Variants in TFEC observed in about 807,000 individuals in gnomAD.
TFEC encodes class E basic helix-loop-helix protein 34.
Under a neutral mutation model 41.6 loss-of-function variants are expected in TFEC, and 31 were observed. The ratio of observed to expected loss-of-function variants is 0.74; its 90% CI spans 0.56 to 1.01. TFEC has a LOEUF of 1.01. Among genes scored for constraint, TFEC ranks in the 50% least tolerant of loss-of-function variants. The pLI is 0.00. For missense variants in TFEC, 402 were observed against 404.1 expected (o/e 0.99, Z 0.04); for synonymous variants, 143 against 140.6 (o/e 1.02, Z -0.12).
rs754815096 is a variant in TFEC at position 116,110,914 on chromosome 7, T to C, written c.-9A>G. On this transcript the variant is annotated 5_prime_UTR_variant, in exon 3 of 9. Coordinates refer to the TFEC transcript ENST00000484212. Reference sequence around the variant, plus strand: ...GTTAAAGCTTGTAACATATTTCTCTTCTTTTCTTCTCACTATTAGTGGATT... The same window carrying C: ...GTTAAAGCTTGTAACATATTTCTCTCCTTTTCTTCTCACTATTAGTGGATT... The C allele has an allele frequency of 3.3e-5, 50 of 1,508,412 alleles. No individual in the cohort carries two copies. The African/African-American group carries it at 3.5e-4, about 11-fold the overall frequency. The allele number at this position is 1,508,412 out of a possible 1,614,324, so 93.4% of individuals were successfully genotyped here.
Position 116,105,780 on chromosome 7 carries a change from GAC to G in TFEC, c.198+4926_198+4927del, listed in dbSNP as rs1444727441. On this transcript the variant is annotated intron_variant, in intron 3 of 8. Transcript: ENST00000484212. ...AAAGTCTGAGTGTTTGCCAAAAAGA[GAC>G]AGATTTAACCTTAAAGTCACCACTT... 2.0e-5 allele frequency among the ~76,000 whole-genome samples: 3 copies of G among 152,036 alleles called. No homozygotes were observed. The East Asian group carries it at 5.8e-4, about 29-fold the overall frequency.
At chr7:115,943,953 A>T (rs1328105604) in intron 6 of TFEC, among the ~76,000 whole-genome samples, 3 of 150,280 alleles carry the variant, frequency 2.0e-5, no homozygotes, top group African/African-American at 7.3e-5. Flanking sequence ...TAAAAGCATT[A>T]AAAAATAATT....
intron 3 of TFEC, among the ~76,000 whole-genome samples, chr7:116,045,134 T>A (rs140319080): frequency 7.8e-4 from 119 of 152,042 alleles, no homozygotes; most frequent in African/African-American, 2.5e-3. Flanking sequence ...GACAGGAAAA[T>A]ATGGGAAAGT....
chr7:116,116,937 A>T (rs1798003640), intron 1 of TFEC, among the ~76,000 whole-genome samples: 1 of 151,930 alleles, frequency 6.6e-6, no homozygotes. Context: ...TCGAAAGGAA[A>T]GGATTTTATT....
At chr7:116,011,323 C>T (rs1207552723) in intron 1 of TFEC, among the ~76,000 whole-genome samples, 1 of 152,112 alleles carries the variant, frequency 6.6e-6, no homozygotes, top group African/African-American at 2.4e-5. Flanking sequence ...ATCCTGCATG[C>T]TTTGAATATA....
chr7:116,123,541 C>T (rs554846685), intron 1 of TFEC, among the ~76,000 whole-genome samples: 1 of 152,064 alleles, frequency 6.6e-6, no homozygotes, highest in South Asian at 2.1e-4. Flanking sequence ...AAATTGAATG[C>T]TTACGTGGAT....
At chr7:116,109,919 C>A (rs959784838) in intron 3 of TFEC, among the ~76,000 whole-genome samples, 1 of 152,146 alleles carries the variant, frequency 6.6e-6, no homozygotes, top group Non-Finnish European at 1.5e-5. Context: ...ATAGTATGTC[C>A]TTTGTAGGGA....
chr7:116,128,889 C>A (rs1021198495), intron 1 of TFEC, among the ~76,000 whole-genome samples: 1 of 151,896 alleles, frequency 6.6e-6, no homozygotes, highest in African/African-American at 2.4e-5. Flanking sequence ...GAGGTAGATA[C>A]ATTTGCTAAA....
intron 5 of TFEC, among the ~76,000 whole-genome samples, chr7:115,953,976 T>C (rs1792082686): frequency 6.6e-6 from 1 of 152,118 alleles, no homozygotes; most frequent in Non-Finnish European, 1.5e-5. Context: ...TCAAGCTCAC[T>C]TGAGACAGTT....
chr7:115,944,959 T>A (rs927056089), intron 6 of TFEC, among the ~76,000 whole-genome samples: 3 of 150,682 alleles, frequency 2.0e-5, no homozygotes, highest in African/African-American at 7.3e-5. Context: ...CTCATTTGAG[T>A]GATTCCATGA....
chr7:116,006,554 T>C (rs530444205), intron 1 of TFEC, among the ~76,000 whole-genome samples: 44 of 152,310 alleles, frequency 2.9e-4, no homozygotes, highest in African/African-American at 7.2e-4. Flanking sequence ...CCTCACTGTA[T>C]CTAGGAAGTA....
At chr7:116,028,322 C>T (rs1795660890) in intron 1 of TFEC, among the ~76,000 whole-genome samples, 1 of 152,180 alleles carries the variant, frequency 6.6e-6, no homozygotes, top group African/African-American at 2.4e-5. Flanking sequence ...ACCCACAACA[C>T]AATTCTACAG....
At chr7:115,953,712 G>A (rs949714023) in intron 5 of TFEC, among the ~76,000 whole-genome samples, 9 of 151,928 alleles carry the variant, frequency 5.9e-5, no homozygotes, top group African/African-American at 1.9e-4. Context: ...TTTCTCAGAG[G>A]ACTGTTATGA....
chr7:115,959,485 C>T (rs1290956828), intron 3 of TFEC, among the ~76,000 whole-genome samples: 1 of 151,714 alleles, frequency 6.6e-6, no homozygotes, highest in Non-Finnish European at 1.5e-5. Flanking sequence ...CTGCTATCTA[C>T]AGTAACTAAT....
chr7:116,040,292 A>G (rs1012298042), intron 3 of TFEC, among the ~76,000 whole-genome samples: 1 of 152,228 alleles, frequency 6.6e-6, no homozygotes, highest in South Asian at 2.1e-4. Context: ...TTTAGGAAGT[A>G]GCTAACACTT....
At chr7:116,043,541 T>A (rs1243568279) in intron 3 of TFEC, among the ~76,000 whole-genome samples, 1 of 152,178 alleles carries the variant, frequency 6.6e-6, no homozygotes, top group Non-Finnish European at 1.5e-5. Flanking sequence ...GAGGTTCTCA[T>A]CTTGCAAAGC....
intron 1 of TFEC, among the ~76,000 whole-genome samples, chr7:116,130,606 A>G (rs1164951883): frequency 6.6e-6 from 1 of 152,014 alleles, no homozygotes; most frequent in Non-Finnish European, 1.5e-5. Context: ...ATTCTGCACA[A>G]TATTTCTTTT....
intron 1 of TFEC, among the ~76,000 whole-genome samples, chr7:116,121,051 A>T (rs73462590): frequency 0.027 from 4,154 of 152,056 alleles, 211 homozygotes; most frequent in African/African-American, 0.094. Context: ...CTAAGTATAC[A>T]CCCAAGAGAA....
intron 1 of TFEC, among the ~76,000 whole-genome samples, chr7:116,006,265 C>A (rs1270735087): frequency 6.6e-6 from 1 of 152,198 alleles, no homozygotes; most frequent in African/African-American, 2.4e-5. Flanking sequence ...TTGCACCATG[C>A]ACCTGGAAAA....
Sources: allele counts gnomAD v4.1 joint callset (sites outside exome capture counted in the v4.1 genomes callset), GRCh38; gene constraint gnomAD v4.1.1; transcripts MANE v1.5; gene names NCBI Gene and HGNC (gene_info 2026-07-23, HGNC 2026-07-21).